The following CACNA2D1 variants were observed in gnomAD, a reference collection of about 807,000 sequenced individuals.
CACNA2D1 encodes voltage-dependent calcium channel subunit alpha-2/delta-1.
A neutral mutation model predicts 171.5 loss-of-function variants in CACNA2D1; 53 were observed. The ratio of observed to expected loss-of-function variants is 0.31; its 90% CI spans 0.25 to 0.39. The LOEUF (loss-of-function observed/expected upper bound fraction) is 0.39. Among genes scored for constraint, CACNA2D1 ranks in the 10% least tolerant of loss-of-function variants. CACNA2D1 has a pLI of 1.00. For missense variants in CACNA2D1, 903 were observed against 1,299.8 expected (o/e 0.69, Z 4.69); for synonymous variants, 442 against 443.1 (o/e 1.00, Z 0.03).
chr7:82,389,493 T>G (rs1320397328), intron 1 of CACNA2D1, among the ~76,000 whole-genome samples: 1 of 152,162 alleles, frequency 6.6e-6, no homozygotes, highest in Non-Finnish European at 1.5e-5. Flanking sequence ...ATATATATTC[T>G]GTTAACAACA....
At chr7:82,072,483 C>A (rs1467185683) in intron 7 of CACNA2D1, among the ~76,000 whole-genome samples, 1 of 151,646 alleles carries the variant, frequency 6.6e-6, no homozygotes, top group Non-Finnish European at 1.5e-5. Context: ...TAGTGAGTCC[C>A]AAATACATGG....
chr7:81,973,779 G>T (rs1368679907), intron 25 of CACNA2D1, among the ~76,000 whole-genome samples: 11 of 151,782 alleles, frequency 7.2e-5, no homozygotes, highest in Admixed American at 2.0e-4. Context: ...AAGAAAAAAT[G>T]ATTTAGATTT....
chr7:82,177,829 T>C (rs1275647214), intron 3 of CACNA2D1, among the ~76,000 whole-genome samples: 1 of 152,162 alleles, frequency 6.6e-6, no homozygotes, highest in Non-Finnish European at 1.5e-5. Context: ...TATTGTGCTA[T>C]AGGTTAGCAA....
intron 2 of CACNA2D1, among the ~76,000 whole-genome samples, chr7:82,337,454 T>C (rs1489303184): frequency 1.3e-5 from 2 of 152,194 alleles, no homozygotes; most frequent in East Asian, 1.9e-4. Context: ...ATTTTTATGA[T>C]CACACAATAT....
chr7:82,292,341 C>T (rs1051985869), intron 3 of CACNA2D1, among the ~76,000 whole-genome samples: 2 of 152,176 alleles, frequency 1.3e-5, no homozygotes, highest in African/African-American at 2.4e-5. Flanking sequence ...TTGCTTGCTG[C>T]TCTGCTGACA....
At chr7:82,116,924 ACT>A in intron 6 of CACNA2D1, 118 bp downstream of exon 6, 1 of 1,081,866 alleles carries the variant, frequency 9.2e-7, no homozygotes. Context: ...TTTACCACAG[ACT>A]CTTATATGAC....
chr7:82,134,262 T>C (rs1791352118), intron 5 of CACNA2D1, among the ~76,000 whole-genome samples: 1 of 152,138 alleles, frequency 6.6e-6, no homozygotes, highest in South Asian at 2.1e-4. Context: ...TCTTTATGTA[T>C]AAGTATATAT....
chr7:82,427,113 A>T (rs930289886), intron 1 of CACNA2D1, among the ~76,000 whole-genome samples: 1 of 152,286 alleles, frequency 6.6e-6, no homozygotes, highest in African/African-American at 2.4e-5. Flanking sequence ...TCCCTAGTGG[A>T]TAAGGGGGAA....
intron 38 of CACNA2D1, among the ~76,000 whole-genome samples, chr7:81,953,040 C>G (rs1261804161): frequency 1.3e-5 from 2 of 152,004 alleles, no homozygotes; most frequent in Non-Finnish European, 2.9e-5. Flanking sequence ...TAGATGTGCA[C>G]CACCACACCT....
At chr7:82,245,743 A>G (rs1313405508) in intron 3 of CACNA2D1, among the ~76,000 whole-genome samples, 3 of 151,898 alleles carry the variant, frequency 2.0e-5, no homozygotes, top group Non-Finnish European at 4.4e-5. Context: ...AAGATTGCCA[A>G]TTCTCCATTT....
rs370703209 is a variant in CACNA2D1 at position 82,138,430 on chromosome 7, TGTTTTTTTTG to T, written c.355-1764_355-1755del. Among the ~76,000 whole-genome samples, 188 of 125,692 alleles carry T rather than the reference TGTTTTTTTTG, an allele frequency of 1.5e-3. 2 individuals carry two copies. The highest frequency in any genetic ancestry group is 2.6e-3 in the African/African-American group (84 of 32,418). 82.5% of individuals were successfully genotyped at this position (125,692 alleles called of 152,430 possible). On this transcript the variant is annotated intron_variant, in intron 4 of 38. Transcript: ENST00000356860. ...GAAACATTTCTTATAGCATTAGTTT[TGTTTTTTTTG>T]TTTTTTTTGTTTTTTTTTTTTTTTG...
intron 1 of CACNA2D1, among the ~76,000 whole-genome samples, chr7:82,384,217 A>G (rs1389246036): frequency 6.6e-6 from 1 of 152,164 alleles, no homozygotes; most frequent in Non-Finnish European, 1.5e-5. Context: ...GTCTCCCCCA[A>G]AAAATGTGTA....
chr7:81,964,437 T>C, intron 32 of CACNA2D1, 78 bp from the exon 33 acceptor site: 2 of 1,120,354 alleles, frequency 1.8e-6, no homozygotes, highest in Non-Finnish European at 2.6e-6. Context: ...ACCACTACAG[T>C]GAAAAGAAAT....
At chr7:82,092,937 C>T (rs1314782563) in intron 6 of CACNA2D1, among the ~76,000 whole-genome samples, 1 of 151,554 alleles carries the variant, frequency 6.6e-6, no homozygotes, top group Non-Finnish European at 1.5e-5. Flanking sequence ...AAGCCGGAAG[C>T]CATAGAAGAA....
Position 82,349,727 on chromosome 7 carries a change from C to T in CACNA2D1, c.96-78G>A, listed in dbSNP as rs1300001836. ...CACATGCTGATATTTTATATCCACG[C>T]TACAGATAATTCATTAAAATGCCCT... On this transcript the variant is annotated intron_variant, in intron 1 of 38. Transcript: ENST00000356860. 4 of 1,101,658 alleles carry T rather than the reference C, an allele frequency of 3.6e-6. No homozygotes were observed. In the African/African-American group the frequency reaches 6.2e-5, roughly 17 times the overall value. The allele number at this position is 1,101,658 out of a possible 1,614,324, so 68.2% of individuals were successfully genotyped here. A position where few individuals can be genotyped will look rare whatever the true frequency, so the allele number is the denominator to read the frequency against.
At chr7:82,111,895 G>T in intron 6 of CACNA2D1, among the ~76,000 whole-genome samples, 1 of 151,892 alleles carries the variant, frequency 6.6e-6, no homozygotes, top group African/African-American at 2.4e-5. Context: ...CTAACATATT[G>T]TTTTTTAAAC....
At chr7:81,967,722 A>C (rs1490648640) in intron 29 of CACNA2D1, 59 bp from the exon 30 acceptor site, 16 of 782,116 alleles carry the variant, frequency 2.0e-5, no homozygotes, top group Non-Finnish European at 1.3e-5. Flanking sequence ...AACCTTTGCA[A>C]TATGACAGTT....
At chr7:82,354,852 C>A (rs1020236419) in intron 1 of CACNA2D1, among the ~76,000 whole-genome samples, 1 of 151,696 alleles carries the variant, frequency 6.6e-6, no homozygotes, top group Non-Finnish European at 1.5e-5. Context: ...CAAGGAAAGG[C>A]AAGTTGAAAG....
intron 23 of CACNA2D1, 133 bp downstream of exon 23, chr7:81,983,181 A>C (rs913387891): frequency 1.3e-6 from 1 of 742,542 alleles, no homozygotes; most frequent in Non-Finnish European, 2.3e-6. Context: ...TTTGCTGCTA[A>C]GTTTTGAGTG....
Sources: allele counts gnomAD v4.1 joint callset (sites outside exome capture counted in the v4.1 genomes callset), GRCh38; gene constraint gnomAD v4.1.1; transcripts MANE v1.5; gene names NCBI Gene and HGNC (gene_info 2026-07-23, HGNC 2026-07-21).